UNC13C: variants seen among roughly 807,000 people sequenced by gnomAD.
UNC13C encodes the protein protein unc-13 homolog C.
UNC13C carries 174 observed loss-of-function variants against 245.4 expected under a neutral mutation model. That is an observed-to-expected ratio of 0.71 (90% CI 0.63 to 0.80). The LOEUF is 0.80. Among genes scored for constraint, UNC13C ranks in the 30% least tolerant of loss-of-function variants. UNC13C has a pLI of 0.00. For synonymous variants in UNC13C, 992 were observed against 895.1 expected (o/e 1.11, Z -1.93); for missense variants, 2,829 against 2,602.9 (o/e 1.09, Z -1.89).
At chr15:54,378,574 T>C (rs2140895060) in intron 17 of UNC13C, among the ~76,000 whole-genome samples, 1 of 151,694 alleles carries the variant, frequency 6.6e-6, no homozygotes, top group Non-Finnish European at 1.5e-5. Context: ...ATATTAAATA[T>C]ATTCTACACA....
intron 2 of UNC13C, among the ~76,000 whole-genome samples, chr15:54,045,491 G>A (rs1186806255): frequency 6.6e-6 from 1 of 151,850 alleles, no homozygotes; most frequent in East Asian, 1.9e-4. Context: ...AAATTTTTCA[G>A]AGCACCTGTT....
At chr15:54,464,918 T>C (rs74016625) in intron 19 of UNC13C, among the ~76,000 whole-genome samples, 1,601 of 152,076 alleles carry the variant, frequency 0.011, 29 homozygotes, top group African/African-American at 0.036. Context: ...TATTACAGGC[T>C]TCACTAAAAT....
chr15:53,880,314 G>C, the UNC13C span, among the ~76,000 whole-genome samples: 1 of 152,152 alleles, frequency 6.6e-6, no homozygotes, highest in African/African-American at 2.4e-5. Context: ...GAAGGAACTA[G>C]ATAGCAAATC....
intron 18 of UNC13C, among the ~76,000 whole-genome samples, chr15:54,414,728 G>A (rs1261809162): frequency 6.6e-6 from 1 of 152,016 alleles, no homozygotes; most frequent in East Asian, 1.9e-4. Context: ...ACATCCACAG[G>A]GAGACCCAGG....
At chr15:54,141,075 G>T (rs989290882) in intron 2 of UNC13C, among the ~76,000 whole-genome samples, 1 of 152,226 alleles carries the variant, frequency 6.6e-6, no homozygotes, top group African/African-American at 2.4e-5. Flanking sequence ...ATCAACAGGA[G>T]ATAATGAATA....
At chr15:54,495,173 G>T (rs576578257) in intron 20 of UNC13C, among the ~76,000 whole-genome samples, 25 of 151,936 alleles carry the variant, frequency 1.6e-4, no homozygotes, top group Non-Finnish European at 3.5e-4. Flanking sequence ...TCATAAATAT[G>T]CCTCTTTCAA....
At chr15:54,524,809 C>G (rs1895375625) in intron 24 of UNC13C, among the ~76,000 whole-genome samples, 1 of 152,100 alleles carries the variant, frequency 6.6e-6, no homozygotes, top group Non-Finnish European at 1.5e-5. Context: ...TCAGCTTGGG[C>G]AAGAACTAAT....
At chr15:54,298,714 G>T (rs80277139) in intron 12 of UNC13C, among the ~76,000 whole-genome samples, 1 of 152,070 alleles carries the variant, frequency 6.6e-6, no homozygotes, top group Admixed American at 6.6e-5. Context: ...AATGTTTGTC[G>T]CTGAGAGCTT....
chr15:54,182,197 T>C (rs1486116808), intron 4 of UNC13C, among the ~76,000 whole-genome samples: 1 of 151,958 alleles, frequency 6.6e-6, no homozygotes, highest in Non-Finnish European at 1.5e-5. Flanking sequence ...TATTATTTTG[T>C]GGCATGTTCC....
intron 26 of UNC13C, among the ~76,000 whole-genome samples, chr15:54,534,956 C>T (rs1024431651): frequency 3.9e-5 from 6 of 152,142 alleles, no homozygotes; most frequent in African/African-American, 1.4e-4. Flanking sequence ...CACAAAAATA[C>T]GCTTAAGTAT....
At chr15:54,609,660 C>T (rs949299035) in intron 30 of UNC13C, among the ~76,000 whole-genome samples, 9 of 152,190 alleles carry the variant, frequency 5.9e-5, no homozygotes, top group East Asian at 3.8e-4. Context: ...ATTGTTTATT[C>T]TCCCAGACCT....
At chr15:54,030,192 G>A (rs1243113697) in intron 2 of UNC13C, among the ~76,000 whole-genome samples, 1 of 152,062 alleles carries the variant, frequency 6.6e-6, no homozygotes, top group Non-Finnish European at 1.5e-5. Context: ...CCACCCCCAT[G>A]TCCGTGTCCC....
chr15:54,293,428 C>G (rs1253747663), intron 10 of UNC13C, among the ~76,000 whole-genome samples: 1 of 151,940 alleles, frequency 6.6e-6, no homozygotes, highest in East Asian at 1.9e-4. Context: ...TATGTGCTTA[C>G]TGGGATTTTT....
intron 8 of UNC13C, among the ~76,000 whole-genome samples, chr15:54,263,489 A>G (rs2140888486): frequency 6.6e-6 from 1 of 152,300 alleles, no homozygotes; most frequent in South Asian, 2.1e-4. Context: ...AAATGCCCAG[A>G]AAGTTGAGAC....
the UNC13C span, among the ~76,000 whole-genome samples, chr15:53,935,687 G>T: frequency 6.6e-6 from 1 of 152,160 alleles, no homozygotes; most frequent in Non-Finnish European, 1.5e-5. Context: ...AGCAGGGTGG[G>T]GTGATGGCCC....
At chr15:54,236,557 G>A in intron 6 of UNC13C, 122 bp downstream of exon 6, 1 of 770,944 alleles carries the variant, frequency 1.3e-6, no homozygotes, top group East Asian at 2.7e-5. Flanking sequence ...ACAAGAATAA[G>A]AAGTTTGTTC....
intron 2 of UNC13C, among the ~76,000 whole-genome samples, chr15:54,111,063 A>G (rs1900744671): frequency 6.6e-6 from 1 of 152,218 alleles, no homozygotes; most frequent in African/African-American, 2.4e-5. Flanking sequence ...TTTGAGAGAG[A>G]AAATACTTTT....
chr15:54,612,658 CTTATT>C (rs1054012614), intron 30 of UNC13C, among the ~76,000 whole-genome samples: 1 of 151,886 alleles, frequency 6.6e-6, no homozygotes, highest in Non-Finnish European at 1.5e-5. Context: ...TTCGCACAGT[CTTATT>C]TTGTTTGCTT....
At chr15:54,450,039 T>C (rs1891081152) in intron 19 of UNC13C, among the ~76,000 whole-genome samples, 1 of 152,212 alleles carries the variant, frequency 6.6e-6, no homozygotes, top group Non-Finnish European at 1.5e-5. Context: ...GGAGGTCCAC[T>C]GCAGACCCTG....
Sources: gnomAD v4.1 joint callset for allele counts (sites outside exome capture counted in the v4.1 genomes callset) on GRCh38, gnomAD v4.1.1 for gene constraint, MANE v1.5 for transcripts, NCBI Gene and HGNC (gene_info 2026-07-23, HGNC 2026-07-21) for gene names.